The following NDOR1 variants were observed in gnomAD, a reference collection of about 807,000 sequenced individuals.
The protein encoded by NDOR1 is NADPH dependent diflavin oxidoreductase 1.
Under a neutral mutation model 67.2 loss-of-function variants are expected in NDOR1, and 61 were observed. That is an observed-to-expected ratio of 0.91 (90% CI 0.74 to 1.12). NDOR1 has a LOEUF of 1.12. Ranked by LOEUF, NDOR1 falls within the 50% of genes most tolerant of loss-of-function variation. NDOR1 has a pLI of 0.00. For missense variants in NDOR1, 878 were observed against 802.8 expected (o/e 1.09, Z -1.13); for synonymous variants, 378 against 343.7 (o/e 1.10, Z -1.10).
rs200511758 is a variant in NDOR1, at chr9:137,215,132, C to T, written c.1103C>T (p.Pro368Leu). 35 of 1,613,662 alleles carry T rather than the reference C, an allele frequency of 2.2e-5. No individual in the cohort carries two copies. Among genetic ancestry groups the T allele is most frequent in the Non-Finnish European group, 2.9e-5 (34 of 1,180,020 alleles). ...CDFPHTAAAI[P>L]PDYLLDLIPV... The stretch of plus-strand genomic sequence containing the variant: ...TTCCCGCACACAGCTGCCGCCATCC[C>T]TCCCGACTACCTGTTGGACCTCATC... The change falls in exon 9 of 14, where the codon CCT (proline) becomes CTT (leucine). Residue 368 changes from proline (P) to leucine (L), a missense_variant. Coordinates refer to ENST00000684003, the MANE Select transcript of NDOR1 (RefSeq NM_014434.4).
chr9:137,213,629 G>A (rs911723399), intron 3 of NDOR1, 151 bp from the exon 4 acceptor site: 13 of 761,076 alleles, frequency 1.7e-5, no homozygotes, highest in Non-Finnish European at 2.4e-5. Context: ...CCCTCCTAGG[G>A]TGCGGCCAGC....
rs117858988 is a variant in NDOR1 at position 137,214,416 on chromosome 9, G to A, written c.722+3G>A. 3.7e-3 allele frequency: 6,030 copies of A among 1,613,600 alleles called. 136 individuals are homozygous for A. In the East Asian group the frequency reaches 0.067, roughly 18 times the overall value. On this transcript the variant is annotated splice_donor_region_variant and intron_variant, in intron 6 of 13. Coordinates refer to ENST00000684003, the MANE Select transcript of NDOR1 (RefSeq NM_014434.4). ...GACATCTTGGGCTCTGGCATCAGGT[G>A]GGGACTGCTGGGGACCGAGGAGGGC...
At position 137,218,465 on chromosome 9, in the gene NDOR1, C is replaced by T. The variant is rs1291343380; in HGVS notation, c.*2049C>T. ...CCTGGGTGCCCGGCTCTGGACCCTG[C>T]GGGAGCGGGGACCCTGTGCCCGCCG... On this transcript the variant is annotated 3_prime_UTR_variant, in exon 14 of 14. Coordinates refer to ENST00000684003, the MANE Select transcript of NDOR1 (RefSeq NM_014434.4). The T allele has an allele frequency of 1.3e-5, 5 of 398,456 alleles. No individual in the cohort carries two copies. Among genetic ancestry groups the T allele is most frequent in the Non-Finnish European group, 2.2e-5 (5 of 226,196 alleles). 24.7% of individuals were successfully genotyped at this position (398,456 alleles called of 1,614,324 possible).
intron 2 of NDOR1, among the ~76,000 whole-genome samples, chr9:137,209,027 C>T (rs895254768): frequency 3.9e-5 from 6 of 151,954 alleles, no homozygotes; most frequent in African/African-American, 1.5e-4. Flanking sequence ...ACTACAGGCG[C>T]CGCCACCACG....
At chr9:137,206,529 C>G (rs111492193) in intron 2 of NDOR1, among the ~76,000 whole-genome samples, 5 of 152,100 alleles carry the variant, frequency 3.3e-5, no homozygotes, top group African/African-American at 1.2e-4. Context: ...TTTAACCTTT[C>G]TTATTTTTCC....
Position 137,213,952 on chromosome 9 carries a change from C to G in NDOR1, c.411-15C>G. 1 of 1,569,652 alleles carries G rather than the reference C, an allele frequency of 6.4e-7. No individual in the cohort carries two copies. Among genetic ancestry groups the G allele is most frequent in the Non-Finnish European group, 8.6e-7 (1 of 1,158,732 alleles). On this transcript the variant is annotated splice_polypyrimidine_tract_variant and intron_variant, in intron 4 of 13. Coordinates refer to ENST00000684003, the MANE Select transcript of NDOR1 (RefSeq NM_014434.4). ...CGCAGGGTCCGCTCAGGCCAGCGCA[C>G]GTGCTCCCTCCCAGGCCCGACGCTG...
intron 2 of NDOR1, among the ~76,000 whole-genome samples, chr9:137,210,095 A>C (rs566743633): frequency 1.3e-5 from 2 of 152,224 alleles, no homozygotes; most frequent in African/African-American, 2.4e-5. Context: ...AGAAAGAACC[A>C]CACCCCACCC....
At position 137,212,586 on chromosome 9, in the gene NDOR1, T is replaced by G; in HGVS notation, c.298T>G (p.Ser100Ala). 2 of 1,613,728 alleles carry G rather than the reference T, an allele frequency of 1.2e-6. No homozygotes were observed. The highest frequency in any genetic ancestry group is 1.7e-6 in the Non-Finnish European group (2 of 1,179,694). ...MDFAVLGLGD[S>A]SYAKFNFVAK... is the part of the protein sequence containing the mutation. ...CTTTGCCGTCCTGGGCCTCGGGGAC[T>G]CCTCATACGCCAAGTGAGTAGGGGA... Residue 100 changes from serine (S) to alanine (A), a missense_variant, in exon 3 of 14, where the codon TCC becomes GCC. Transcript: ENST00000684003. The surrounding 1 kb of genome is among the most constrained non-coding windows in gnomAD (Gnocchi z 4.3).
chr9:137,216,284 CATGCCAG>C lies in NDOR1; in HGVS notation c.1663_1669del (p.Met555ArgfsTer7), dbSNP rs1161392174. On this transcript the variant is annotated frameshift_variant, in exon 14 of 14. Coordinates refer to ENST00000684003, the MANE Select transcript of NDOR1 (RefSeq NM_014434.4). LOFTEE classifies it high-confidence loss of function. ...CCTGCCCCTCTAGCAACGCCAAGTCCATGCCAGCGGACGTCTCGGAAGCCCTGATGTC... is the reference window on the plus strand; with the variant it reads ...CCTGCCCCTCTAGCAACGCCAAGTCCCGGACGTCTCGGAAGCCCTGATGTC... 6.2e-7 allele frequency: 1 copy of C among 1,613,080 alleles called. No individual in the cohort carries two copies. The highest frequency in any genetic ancestry group is 8.5e-7 in the Non-Finnish European group (1 of 1,180,004).
At position 137,215,745 on chromosome 9, in the gene NDOR1, G is replaced by A; in HGVS notation, c.1375G>A (p.Gly459Ser). ...CACACCTGTGATCATGGTGGGGCCTGGCACTGGGGTAGCCCCCTTCCGAGC... is the reference window on the plus strand; with the variant it reads ...CACACCTGTGATCATGGTGGGGCCTAGCACTGGGGTAGCCCCCTTCCGAGC... ...PDTPVIMVGP[G>S]TGVAPFRAAI... Residue 459 changes from glycine (G) to serine (S), a missense_variant, in exon 11 of 14, where the codon GGC (glycine) becomes AGC (serine). Coordinates refer to ENST00000684003, the MANE Select transcript of NDOR1 (RefSeq NM_014434.4). The A allele has an allele frequency of 1.2e-6, 2 of 1,603,408 alleles. No homozygotes were observed. The highest frequency in any genetic ancestry group is 1.7e-5 in the Admixed American group (1 of 59,352).
chr9:137,206,172 T>G, intron 1 of NDOR1, 60 bp from the exon 2 acceptor site: 1 of 1,600,890 alleles, frequency 6.2e-7, no homozygotes, highest in Non-Finnish European at 8.6e-7. Context: ...GGTCAAGTTT[T>G]GGGAAGGACG....
At chr9:137,214,125 C>A (rs1040409233) in intron 5 of NDOR1, 57 bp downstream of exon 5, 21 of 1,530,122 alleles carry the variant, frequency 1.4e-5, no homozygotes, top group Non-Finnish European at 1.8e-5. Context: ...GGCCTGGGGA[C>A]CTCGCCCTGG....
chr9:137,206,451 G>T, intron 2 of NDOR1, 142 bp downstream of exon 2: 1 of 841,766 alleles, frequency 1.2e-6, no homozygotes, highest in Non-Finnish European at 2.0e-6. Context: ...GTCCGTGAGT[G>T]GGGCTGGGGG....
In NDOR1 at chr9:137,214,909, GTC is replaced by G; in HGVS notation, c.958_959del (p.Leu320IlefsTer4). 1 of 1,612,916 alleles carries G rather than the reference GTC, an allele frequency of 6.2e-7. No individual in the cohort carries two copies. The highest frequency in any genetic ancestry group is 8.5e-7 in the Non-Finnish European group (1 of 1,180,032). On this transcript the variant is annotated frameshift_variant, in exon 8 of 14. Coordinates refer to ENST00000684003, the MANE Select transcript of NDOR1 (RefSeq NM_014434.4). LOFTEE classifies it high-confidence loss of function. The stretch of plus-strand genomic sequence containing the variant: ...CGCTCCTTCTTCGAACTCCTGGCCT[GTC>G]TATCCCTCCATGAGCTGGAGCGGGA...
At chr9:137,208,012 T>A (rs1835054572) in intron 2 of NDOR1, among the ~76,000 whole-genome samples, 1 of 151,074 alleles carries the variant, frequency 6.6e-6, no homozygotes, top group Non-Finnish European at 1.5e-5. Flanking sequence ...CACGGCGCAG[T>A]GGTGCGTGCC....
chr9:137,213,394 C>CT (rs1376494107), intron 3 of NDOR1, among the ~76,000 whole-genome samples: 1 of 152,208 alleles, frequency 6.6e-6, no homozygotes, highest in Admixed American at 6.5e-5. Flanking sequence ...GCCTGGCTCT[C>CT]TCCCCAGCAC....
At chr9:137,205,980 C>T (rs1452540958) in intron 1 of NDOR1, 68 bp downstream of exon 1, 1 of 1,500,744 alleles carries the variant, frequency 6.7e-7, no homozygotes. Flanking sequence ...GCGGGGTCAT[C>T]GACCCAAAAG....
At position 137,219,134 on chromosome 9, in the gene NDOR1, CA is replaced by C. The variant is rs1182801695; in HGVS notation, c.*2719del. The C allele has an allele frequency of 1.3e-5, 2 of 152,900 alleles. No homozygotes were observed. The highest frequency in any genetic ancestry group is 4.8e-5 in the African/African-American group (2 of 41,504). The allele number at this position is 152,900 out of a possible 1,614,324, so 9.5% of individuals were successfully genotyped here. On this transcript the variant is annotated 3_prime_UTR_variant, in exon 14 of 14. Transcript: ENST00000684003. ...GGGAGGGGTCCATGCTGCGAAAATT[CA>C]GCCTGCAAAGGCTCCTCTCCCCACT...
chr9:137,209,434 G>A (rs1835140000), intron 2 of NDOR1, among the ~76,000 whole-genome samples: 1 of 152,208 alleles, frequency 6.6e-6, no homozygotes, highest in South Asian at 2.1e-4. Flanking sequence ...CAGTCAGCCA[G>A]TGGCAGGAAG....
Sources: gnomAD v4.1 joint callset for allele counts (sites outside exome capture counted in the v4.1 genomes callset) on GRCh38, gnomAD v4.1.1 for gene constraint, Gnocchi (gnomAD v3.1) non-coding constraint, MANE v1.5 for transcripts, NCBI Gene and HGNC (gene_info 2026-07-23, HGNC 2026-07-21) for gene names.